The following AFP variants were observed in gnomAD, a reference collection of about 807,000 sequenced individuals.
AFP encodes alpha-fetoprotein.
In AFP, 64 loss-of-function variants were observed where a neutral mutation model predicts 78.9. That is an observed-to-expected ratio of 0.81 (90% CI 0.66 to 1.00). AFP has a LOEUF of 1.00. Among genes scored for constraint, AFP ranks in the 50% least tolerant of loss-of-function variants. The probability of loss-of-function intolerance (pLI) is 0.00; values close to 1 mark genes in which losing one functional copy is unlikely to be tolerated. For synonymous variants in AFP, 254 were observed against 243.8 expected, an observed-to-expected ratio of 1.04 and a Z score of -0.39; for missense variants, 689 against 703.8, an observed-to-expected ratio of 0.98 and a Z score of 0.24.
chr4:73,453,426 T>C, intron 12 of AFP: 1 of 277,950 alleles, frequency 3.6e-6, no homozygotes, highest in South Asian at 4.2e-5. Context: ...TTCGGAGATC[T>C]GGGTCTTTGA....
chr4:73,441,952 G>A lies in AFP; in HGVS notation c.483-344G>A, dbSNP rs117699673. Reference sequence around the variant, plus strand: ...GTCCATCTTTCTGTTGCACTTAGCAGAAGTCTGGCTTTGCTGATCCCTGAA... The same window carrying A: ...GTCCATCTTTCTGTTGCACTTAGCAAAAGTCTGGCTTTGCTGATCCCTGAA... On this transcript the variant is annotated intron_variant, in intron 4 of 14. Coordinates refer to ENST00000395792, the MANE Select transcript of AFP (RefSeq NM_001134.3). 1.2e-3 allele frequency among the ~76,000 whole-genome samples: 184 copies of A among 152,304 alleles called. 1 individual carries two copies. In the East Asian group the frequency reaches 0.025, roughly 20 times the overall value.
chr4:73,455,089 G>T, intron 13 of AFP, 147 bp from the exon 14 acceptor site: 1 of 661,508 alleles, frequency 1.5e-6, no homozygotes, highest in Non-Finnish European at 2.7e-6. Flanking sequence ...TACTATCCCA[G>T]GTTGTTGGCA....
At chr4:73,450,181 G>A in intron 10 of AFP, 48 bp downstream of exon 10, 1 of 1,396,526 alleles carries the variant, frequency 7.2e-7, no homozygotes, top group Non-Finnish European at 1.0e-6. Flanking sequence ...TTATTAAAGA[G>A]AATGTAGCCT....
Position 73,450,752 on chromosome 4 carries a change from C to T in AFP, c.1427C>T (p.Ala476Val), listed in dbSNP as rs376466369. 21 of 1,613,882 alleles carry T rather than the reference C, an allele frequency of 1.3e-5. No individual in the cohort carries two copies. Among genetic ancestry groups the T allele is most frequent in the African/African-American group, 4.0e-5 (3 of 74,926 alleles). Residue 476 changes from alanine to valine, a missense_variant and splice_region_variant, in exon 11 of 15, where the codon GCG (alanine) becomes GTG (valine). Coordinates refer to ENST00000395792, the MANE Select transcript of AFP (RefSeq NM_001134.3). ...EDKLLACGEG[A>V]ADIIIGHLCI... ...AAACTATTGGCCTGTGGCGAGGGAG[C>T]GGTGAGTGTCTGCTTGGTTTGGTCC...
In AFP at chr4:73,450,745, G is replaced by A. The variant is rs748956575; in HGVS notation, c.1420G>A (p.Glu474Lys). Residue 474 changes from glutamate to lysine, a missense_variant, in exon 11 of 15, where the codon GAG (glutamate) becomes AAG (lysine). Transcript: ENST00000395792. ...TGAGGACAAACTATTGGCCTGTGGC[G>A]AGGGAGCGGTGAGTGTCTGCTTGGT... ...LSEDKLLACG[E>K]GAADIIIGHL... 1.9e-6 allele frequency: 3 copies of A among 1,614,104 alleles called. No homozygotes were observed. The highest frequency in any genetic ancestry group is 1.1e-5 in the South Asian group (1 of 91,076).
chr4:73,453,621 A>G (rs773874684), intron 12 of AFP, 144 bp from the exon 13 acceptor site: 13 of 890,478 alleles, frequency 1.5e-5, no homozygotes, highest in Non-Finnish European at 2.1e-5. Context: ...TACTGAAAGT[A>G]CTAGACAAGG....
intron 14 of AFP, 42 bp from the exon 15 acceptor site, chr4:73,455,589 T>C (rs1350162182): frequency 1.5e-6 from 1 of 679,558 alleles, no homozygotes; most frequent in Non-Finnish European, 2.6e-6. Flanking sequence ...ACTGCACCTA[T>C]TAGTTTAATT....
In AFP at chr4:73,445,074, A is replaced by C. The variant is rs751798976; in HGVS notation, c.795A>C (p.Val265=). The C allele has an allele frequency of 1.2e-6, 2 of 1,614,066 alleles. No homozygotes were observed. Among genetic ancestry groups the C allele is most frequent in the South Asian group, 2.2e-5 (2 of 91,080 alleles). The change falls in exon 7 of 15, where the codon GTA becomes GTC. Residue 265 remains valine (V), a synonymous_variant. Transcript: ENST00000395792. ...IQKLVLDVAH[V]HEHCCRGDVL... ...AACTAGTCCTGGATGTGGCCCATGT[A>C]CATGAGCACTGTTGCAGAGGAGATG...
Position 73,442,306 on chromosome 4 carries a change from G to C in AFP, c.493G>C (p.Glu165Gln). Reference sequence around the variant, plus strand: ...TATTTTATTTCACAGATTCATTTATGAGATAGCAAGAAGGCATCCCTTCCT... The same window carrying C: ...TATTTTATTTCACAGATTCATTTATCAGATAGCAAGAAGGCATCCCTTCCT... The part of the protein sequence containing the change: ...RETFMNKFIY[E>Q]IARRHPFLYA... Residue 165 changes from glutamate to glutamine, a missense_variant, in exon 5 of 15, where the codon GAG becomes CAG. Coordinates refer to ENST00000395792, the MANE Select transcript of AFP (RefSeq NM_001134.3). 5.6e-6 allele frequency: 9 copies of C among 1,613,574 alleles called. No individual in the cohort carries two copies. The highest frequency in any genetic ancestry group is 7.6e-6 in the Non-Finnish European group (9 of 1,179,722).
chr4:73,441,435 G>A (rs531407635), intron 4 of AFP, among the ~76,000 whole-genome samples: 156 of 151,602 alleles, frequency 1.0e-3, no homozygotes, highest in African/African-American at 2.0e-3. Flanking sequence ...GGGCGTGATG[G>A]TGGGCGCCTG....
In AFP at chr4:73,440,652, G is replaced by A; in HGVS notation, c.321G>A (p.Lys107=). The part of the protein sequence containing the change: ...ELCHEKEILE[K]YGHSDCCSQS... Reference sequence around the variant, plus strand: ...GCCATGAGAAAGAAATTTTGGAGAAGTACGGACATTCAGACTGCTGCAGCC... The same window carrying A: ...GCCATGAGAAAGAAATTTTGGAGAAATACGGACATTCAGACTGCTGCAGCC... Residue 107 remains lysine, a synonymous_variant, in exon 4 of 15, where the codon AAG becomes AAA. Coordinates refer to ENST00000395792, the MANE Select transcript of AFP (RefSeq NM_001134.3). 1 of 1,614,180 alleles carries A rather than the reference G, an allele frequency of 6.2e-7. No homozygotes were observed. Among genetic ancestry groups the A allele is most frequent in the Non-Finnish European group, 8.5e-7 (1 of 1,180,034 alleles).
chr4:73,447,645 T>G lies in AFP; in HGVS notation c.1027T>G (p.Ser343Ala). ...FLGDRDFNQF[S>A]SGEKNIFLAS... The stretch of plus-strand genomic sequence containing the variant: ...AGGAGATAGAGATTTTAACCAATTT[T>G]CTTCAGGGGAAAAAAATATCTTCTT... Residue 343 changes from serine to alanine, a missense_variant, in exon 8 of 15, where the codon TCT (serine) becomes GCT (alanine). Transcript: ENST00000395792. The G allele has an allele frequency of 6.2e-7, 1 of 1,611,442 alleles. No homozygotes were observed. Among genetic ancestry groups the G allele is most frequent in the Non-Finnish European group, 8.5e-7 (1 of 1,179,422 alleles).
At chr4:73,454,140 G>A (rs1339367695) in intron 13 of AFP, among the ~76,000 whole-genome samples, 1 of 151,638 alleles carries the variant, frequency 6.6e-6, no homozygotes, top group Non-Finnish European at 1.5e-5. Context: ...TTATTTCCTA[G>A]TAGAGAAACC....
chr4:73,447,116 G>C (rs1375814784), intron 7 of AFP, among the ~76,000 whole-genome samples: 4 of 152,038 alleles, frequency 2.6e-5, no homozygotes, highest in Admixed American at 1.3e-4. Flanking sequence ...TAATTTCCAA[G>C]GGTCTTTCTA....
intron 8 of AFP, among the ~76,000 whole-genome samples, chr4:73,448,253 G>A (rs1184399669): frequency 3.3e-5 from 5 of 152,076 alleles, no homozygotes; most frequent in Admixed American, 1.3e-4. Context: ...GATAGGTCAC[G>A]TTCTCACTCT....
At chr4:73,451,945 G>T (rs1720004396) in intron 11 of AFP, among the ~76,000 whole-genome samples, 1 of 152,182 alleles carries the variant, frequency 6.6e-6, no homozygotes, top group Non-Finnish European at 1.5e-5. Context: ...CAATTAGGAT[G>T]ATATATTAGC....
At position 73,455,252 on chromosome 4, in the gene AFP, C is replaced by A. The variant is rs768997898; in HGVS notation, c.1802C>A (p.Ser601Ter). 4 of 1,612,270 alleles carry A rather than the reference C, an allele frequency of 2.5e-6. No individual in the cohort carries two copies. The highest frequency in any genetic ancestry group is 2.7e-5 in the African/African-American group (2 of 74,850). The change falls in exon 14 of 15, where the codon TCA becomes TAA. Residue 601 changes from serine (S) to a stop codon, truncating the protein, a stop_gained. Coordinates refer to ENST00000395792, the MANE Select transcript of AFP (RefSeq NM_001134.3). LOFTEE classifies it high-confidence loss of function. The part of the protein sequence containing the change: ...CFAEEGQKLI[S>*]KTRAALGV ...AATTTTCAGGGACAAAAACTGATTT[C>A]AAAAACTCGTGCTGCTTTGGGAGTT...
chr4:73,444,941 T>C (rs1719774221), intron 6 of AFP, 52 bp from the exon 7 acceptor site: 1 of 1,482,298 alleles, frequency 6.7e-7, no homozygotes, highest in Non-Finnish European at 9.3e-7. Context: ...AATTCTATTT[T>C]ATTTTGACAG....
At chr4:73,438,658 GTAGC>G (rs1392598819) in intron 3 of AFP, among the ~76,000 whole-genome samples, 1 of 152,100 alleles carries the variant, frequency 6.6e-6, no homozygotes, top group African/African-American at 2.4e-5. Flanking sequence ...AACAGCAATA[GTAGC>G]TAACTTTTAT....
Sources: gnomAD v4.1 joint callset for allele counts (sites outside exome capture counted in the v4.1 genomes callset) on GRCh38, gnomAD v4.1.1 for gene constraint, MANE v1.5 for transcripts, NCBI Gene and HGNC (gene_info 2026-07-23, HGNC 2026-07-21) for gene names.